PLCH1: variants seen among roughly 807,000 people sequenced by gnomAD.
PLCH1 encodes the protein phospholipase C eta 1.
In PLCH1, 60 loss-of-function variants were observed where a neutral mutation model predicts 126.7. That is an observed-to-expected ratio of 0.47 (90% CI 0.38 to 0.59). PLCH1 has a LOEUF of 0.59. Ranked by LOEUF, PLCH1 falls within the 20% of genes least tolerant of loss-of-function variation. The pLI is 0.00. For missense variants in PLCH1, 1,723 were observed against 2,040.0 expected (o/e 0.84, Z 2.99); for synonymous variants, 719 against 734.9 (o/e 0.98, Z 0.35).
Position 155,549,884 on chromosome 3 carries a change from C to G in PLCH1, c.1265G>C (p.Gly422Ala). 1 of 1,613,532 alleles carries G rather than the reference C, an allele frequency of 6.2e-7. No individual in the cohort carries two copies. The highest frequency in any genetic ancestry group is 8.5e-7 in the Non-Finnish European group (1 of 1,179,492). Residue 422 changes from glycine to alanine, a missense_variant, in exon 10 of 23, where the codon GGA (glycine) becomes GCA (alanine). Gly to Ala is a moderately conservative substitution (Grantham distance 60). Coordinates refer to ENST00000460012, the MANE Select transcript of PLCH1 (RefSeq NM_014996.4). ...QQRKIAQYLK[G>A]IFGDKLDLSS... ...CAGGTCCAGTTTGTCTCCGAATATT[C>G]CTTTCAGGTACTGAGCAATCTTCCT... is the stretch of plus-strand genomic sequence containing the variant.
chr3:155,569,492 T>C (rs2108534728), intron 6 of PLCH1, among the ~76,000 whole-genome samples: 1 of 152,252 alleles, frequency 6.6e-6, no homozygotes, highest in South Asian at 2.1e-4. Flanking sequence ...TGATGCATCC[T>C]TTGAGTAAAT....
rs144945965 is a variant in PLCH1, at chr3:155,481,732, C to T, written c.4294G>A (p.Ala1432Thr). 5.0e-6 allele frequency: 8 copies of T among 1,614,056 alleles called. No homozygotes were observed. Among genetic ancestry groups the T allele is most frequent in the Non-Finnish European group, 6.8e-6 (8 of 1,180,022 alleles). Residue 1432 changes from alanine to threonine, a missense_variant, in exon 23 of 23, where the codon GCT (alanine) becomes ACT (threonine). Physicochemically the swap from Ala to Thr is moderately conservative, Grantham distance 58 (BLOSUM62 0). Transcript: ENST00000460012. This position sits in a 1 kb window ranked among gnomAD's most constrained non-coding sequence, Gnocchi z 4.2. Reference sequence around the variant, plus strand: ...GAGAAATGATTATGCACAAAGCCAGCACCCTGATAGGCTAGATAAGAAATA... The same window carrying T: ...GAGAAATGATTATGCACAAAGCCAGTACCCTGATAGGCTAGATAAGAAATA... ...QSISYLAYQG[A>T]GFVHNHFSDS...
intron 2 of PLCH1, among the ~76,000 whole-genome samples, chr3:155,683,537 G>T (rs916637550): frequency 2.6e-4 from 39 of 152,256 alleles, no homozygotes; most frequent in African/African-American, 9.4e-4. Context: ...CTTTGGTAAT[G>T]ACTCAGAAAA....
At chr3:155,624,697 A>G (rs1163812226) in intron 2 of PLCH1, among the ~76,000 whole-genome samples, 2 of 152,184 alleles carry the variant, frequency 1.3e-5, no homozygotes, top group African/African-American at 4.8e-5. Context: ...GATGTGAAGG[A>G]CCTCTTCAAG....
At chr3:155,490,467 TA>T (rs1385946794) in intron 19 of PLCH1, among the ~76,000 whole-genome samples, 7 of 152,214 alleles carry the variant, frequency 4.6e-5, no homozygotes, top group Non-Finnish European at 8.8e-5. Context: ...AAAAATACAA[TA>T]TAAACATATA....
chr3:155,610,850 C>A (rs2108730146), intron 2 of PLCH1, among the ~76,000 whole-genome samples: 1 of 151,564 alleles, frequency 6.6e-6, no homozygotes, highest in Middle Eastern at 3.4e-3. Flanking sequence ...ATGAATATAA[C>A]AGTACATCAC....
chr3:155,483,066 CAA>C lies in PLCH1; in HGVS notation c.2975-17_2975-16del. On this transcript the variant is annotated splice_polypyrimidine_tract_variant and intron_variant, in intron 22 of 22. Transcript: ENST00000460012. ...TTTATCTTCTGCTGAAGGAGACAAACAATATTTTAGGTGACATCTATCACTTT... is the reference window on the plus strand; with the variant it reads ...TTTATCTTCTGCTGAAGGAGACAAACTATTTTAGGTGACATCTATCACTTT... 6.2e-7 allele frequency: 1 copy of C among 1,606,008 alleles called. No individual in the cohort carries two copies. The highest frequency in any genetic ancestry group is 8.5e-7 in the Non-Finnish European group (1 of 1,175,916).
intron 2 of PLCH1, among the ~76,000 whole-genome samples, chr3:155,634,087 G>A (rs927277423): frequency 6.6e-6 from 1 of 152,284 alleles, no homozygotes; most frequent in Admixed American, 6.5e-5. Flanking sequence ...CCATCCACGG[G>A]TGCCAAGAAA....
intron 10 of PLCH1, among the ~76,000 whole-genome samples, chr3:155,543,621 T>C (rs1263084780): frequency 6.6e-6 from 1 of 151,858 alleles, no homozygotes; most frequent in Non-Finnish European, 1.5e-5. Context: ...GGAAAAAATG[T>C]TAAGGGCAGC....
At chr3:155,505,543 G>A (rs1401191910) in intron 12 of PLCH1, among the ~76,000 whole-genome samples, 1 of 152,124 alleles carries the variant, frequency 6.6e-6, no homozygotes, top group Non-Finnish European at 1.5e-5. Flanking sequence ...CAAAAGGTTG[G>A]GAAGGGGATC....
At chr3:155,643,145 C>T (rs1176120694) in intron 2 of PLCH1, among the ~76,000 whole-genome samples, 2 of 152,048 alleles carry the variant, frequency 1.3e-5, no homozygotes, top group African/African-American at 4.8e-5. Context: ...GGCGGGGTTT[C>T]ACCATGTTGG....
At chr3:155,469,820 A>C (rs937785143) in intron 21 of PLCH1, among the ~76,000 whole-genome samples, 2,503 of 152,148 alleles carry the variant, frequency 0.016, 64 homozygotes, top group African/African-American at 0.057. Context: ...GGGCACACTG[A>C]CACCTCACAC....
chr3:155,539,880 A>G (rs1322269804), intron 10 of PLCH1, among the ~76,000 whole-genome samples: 3 of 152,012 alleles, frequency 2.0e-5, no homozygotes, highest in Non-Finnish European at 4.4e-5. Flanking sequence ...ACAAAACTGG[A>G]AAAAAAATCC....
chr3:155,685,989 T>G (rs1413880920), intron 2 of PLCH1, among the ~76,000 whole-genome samples: 2 of 152,168 alleles, frequency 1.3e-5, no homozygotes, highest in Non-Finnish European at 2.9e-5. Context: ...TGAAAAAACA[T>G]CTTTCAGAAA....
chr3:155,487,019 G>A (rs2108046963), intron 21 of PLCH1: 1 of 152,296 alleles, frequency 6.6e-6, no homozygotes, highest in South Asian at 2.1e-4. Flanking sequence ...AACACAGGAA[G>A]TTATGGTATA....
At chr3:155,717,664 CCCAAGA>C (rs1405981010) in intron 1 of PLCH1, among the ~76,000 whole-genome samples, 1 of 152,216 alleles carries the variant, frequency 6.6e-6, no homozygotes, top group Non-Finnish European at 1.5e-5. Context: ...GGGGCAGTGT[CCCAAGA>C]CTGCACAGAA....
intron 2 of PLCH1, among the ~76,000 whole-genome samples, chr3:155,683,341 C>T (rs1744681314): frequency 6.6e-6 from 1 of 152,178 alleles, no homozygotes; most frequent in African/African-American, 2.4e-5. Context: ...TTTGTAGGCA[C>T]ATCACTGTCA....
intron 10 of PLCH1, among the ~76,000 whole-genome samples, chr3:155,545,819 C>G (rs1317838926): frequency 6.6e-6 from 1 of 152,076 alleles, no homozygotes; most frequent in Non-Finnish European, 1.5e-5. Context: ...GCAGAAAAGG[C>G]CTTTGACAAA....
chr3:155,576,240 A>G (rs1349628250), intron 6 of PLCH1, among the ~76,000 whole-genome samples: 1 of 152,120 alleles, frequency 6.6e-6, no homozygotes, highest in Admixed American at 6.6e-5. Flanking sequence ...ACAAAGCAAA[A>G]CAAAACAAAA....
Sources: gnomAD v4.1 joint callset for allele counts (sites outside exome capture counted in the v4.1 genomes callset) on GRCh38, gnomAD v4.1.1 for gene constraint, Gnocchi (gnomAD v3.1) non-coding constraint, MANE v1.5 for transcripts, NCBI Gene and HGNC (gene_info 2026-07-23, HGNC 2026-07-21) for gene names.